Variants in L3MBTL1 observed in about 807,000 individuals in gnomAD.
L3MBTL1 encodes L3MBTL histone methyl-lysine binding protein 1.
L3MBTL1 carries 75 observed loss-of-function variants against 105.3 expected under a neutral mutation model. The observed-to-expected ratio is 0.71, with a 90% CI of 0.59 to 0.86. The LOEUF is 0.86. L3MBTL1 is among the 40% of genes least tolerant of loss of function. L3MBTL1 has a pLI of 0.00. For missense variants in L3MBTL1, 1,069 were observed against 1,126.4 expected (o/e 0.95, Z 0.73); for synonymous variants, 452 against 436.2 (o/e 1.04, Z -0.45).
At chr20:43,510,380 T>C (rs2018098447) in intron 1 of L3MBTL1, among the ~76,000 whole-genome samples, 1 of 149,786 alleles carries the variant, frequency 6.7e-6, no homozygotes, top group African/African-American at 2.5e-5. Flanking sequence ...GAATTATGTT[T>C]TATAATTTTC....
chr20:43,515,805 AAG>A (rs1215813618), intron 6 of L3MBTL1: 2 of 472,926 alleles, frequency 4.2e-6, no homozygotes, highest in East Asian at 3.8e-5. Flanking sequence ...CTGGGCGTGT[AAG>A]AGCATCACAA....
In L3MBTL1 at chr20:43,530,416, A is replaced by C. The variant is rs2019270832; in HGVS notation, c.1189A>C (p.Lys397Gln). The C allele has an allele frequency of 1.2e-6, 2 of 1,613,908 alleles. No homozygotes were observed. Among genetic ancestry groups the C allele is most frequent in the Non-Finnish European group, 1.7e-6 (2 of 1,179,952 alleles). ...GACGGGCCACAAGCTGCAGCCTCCC[A>C]AAGGTAAGGCCTAGCTGGGTTGGTC... is the stretch of plus-strand genomic sequence containing the variant. The part of the protein sequence containing the change: ...EKTGHKLQPP[K>Q]GYKEEEFSWS... Residue 397 changes from lysine (K) to glutamine (Q), a missense_variant, in exon 10 of 22, where the codon AAA becomes CAA. Lys to Gln is a moderately conservative substitution (Grantham distance 53, BLOSUM62 1). Transcript: ENST00000418998.
In L3MBTL1 at chr20:43,535,869, G is replaced by A. The variant is rs533425456; in HGVS notation, c.1858G>A (p.Gly620Ser). ...AGAGCCCAGCTCTGCCTCCCCTGGG[G>A]GCTGTCCCCCTCTCAGCTATAGGAG... ...PREPSSASPG[G>S]CPPLSYRSLP... Residue 620 changes from glycine to serine, a missense_variant, in exon 17 of 22, where the codon GGC becomes AGC. Gly to Ser is a moderately conservative substitution (Grantham distance 56). Transcript: ENST00000418998. 2 of 1,611,216 alleles carry A rather than the reference G, an allele frequency of 1.2e-6. No homozygotes were observed. The highest frequency in any genetic ancestry group is 1.1e-5 in the South Asian group (1 of 90,800).
intron 11 of L3MBTL1, 110 bp from the exon 12 acceptor site, chr20:43,532,663 G>T: frequency 8.5e-7 from 1 of 1,172,880 alleles, no homozygotes; most frequent in Non-Finnish European, 1.2e-6. Context: ...CTTTCTCACT[G>T]CCCACACCCC....
At chr20:43,542,406 T>G (rs117795098), downstream of L3MBTL1, among the ~76,000 whole-genome samples, 1,455 of 152,252 alleles carry the variant, frequency 9.6e-3, 10 homozygotes, top group Non-Finnish European at 0.015. Context: ...CTCCCTGTTT[T>G]CGATGGCCTC....
chr20:43,531,882 T>A (rs1023986362), intron 11 of L3MBTL1: 3 of 151,896 alleles, frequency 2.0e-5, no homozygotes, highest in Non-Finnish European at 4.4e-5. Flanking sequence ...GTCATTAAAT[T>A]ATTAGCTGGG....
In L3MBTL1 at chr20:43,514,738, C is replaced by G. The variant is rs1387901959; in HGVS notation, c.464C>G (p.Ala155Gly). The G allele has an allele frequency of 6.4e-7, 1 of 1,569,532 alleles. No individual in the cohort carries two copies. Among genetic ancestry groups the G allele is most frequent in the African/African-American group, 1.3e-5 (1 of 74,408 alleles). ...GTGACCGAATACGAAGATGGCGGGG[C>G]CCCGGCGGGAGATGGCGAGGCGGGC... is the stretch of plus-strand genomic sequence containing the variant. ...EGVTEYEDGG[A>G]PAGDGEAGPQ... The change falls in exon 4 of 22, where the codon GCC (alanine) becomes GGC (glycine). Residue 155 changes from alanine to glycine, a missense_variant. Coordinates refer to ENST00000418998, the MANE Select transcript of L3MBTL1 (RefSeq NM_001377303.1).
chr20:43,515,204 C>T, intron 5 of L3MBTL1, 45 bp downstream of exon 5: 1 of 1,614,054 alleles, frequency 6.2e-7, no homozygotes, highest in Non-Finnish European at 8.5e-7. Flanking sequence ...CCTTCAGCCC[C>T]CAAAGCCTCA....
rs151004462 is a variant in L3MBTL1, at chr20:43,515,075, A to G, written c.569A>G (p.Gln190Arg). ...QDPPEDDSTC[Q>R]CQACGPHQAA... Reference sequence around the variant, plus strand: ...CCCCCAGAGGATGATAGCACCTGTCAGTGCCAGGCGTGCGGGCCTCACCAA... The same window carrying G: ...CCCCCAGAGGATGATAGCACCTGTCGGTGCCAGGCGTGCGGGCCTCACCAA... The change falls in exon 5 of 22, where the codon CAG (glutamine) becomes CGG (arginine). Residue 190 changes from glutamine to arginine, a missense_variant. Gln to Arg is a conservative substitution (Grantham distance 43). Coordinates refer to ENST00000418998, the MANE Select transcript of L3MBTL1 (RefSeq NM_001377303.1). 1.9e-6 allele frequency: 3 copies of G among 1,614,072 alleles called. No individual in the cohort carries two copies. In the African/African-American group the frequency reaches 4.0e-5, roughly 22 times the overall value.
intron 12 of L3MBTL1, among the ~76,000 whole-genome samples, 176 bp from the exon 13 acceptor site, chr20:43,533,166 A>G (rs2019428530): frequency 6.6e-6 from 1 of 152,080 alleles, no homozygotes; most frequent in Non-Finnish European, 1.5e-5. Context: ...TCCCTTAGAT[A>G]TTATGGTGAT....
intron 7 of L3MBTL1, among the ~76,000 whole-genome samples, chr20:43,528,292 T>A (rs1003127165): frequency 1.3e-5 from 2 of 152,224 alleles, no homozygotes; most frequent in African/African-American, 4.8e-5. Context: ...TTAGATGGCA[T>A]TGTGATTAAG....
chr20:43,517,108 T>C (rs1418161843), intron 7 of L3MBTL1, among the ~76,000 whole-genome samples: 1 of 151,904 alleles, frequency 6.6e-6, no homozygotes, highest in Non-Finnish European at 1.5e-5. Context: ...TCTTTTTTTT[T>C]TTTTCTTTGA....
In L3MBTL1 at chr20:43,508,001, A is replaced by G. The variant is rs528492595; in HGVS notation, c.-29+257A>G. ...CCCTGCGGCGTGGCTTCGGGCTGCG[A>G]TCAGGAGGGGCGAGGAGGGTGGAGG... On this transcript the variant is annotated intron_variant, in intron 1 of 21. Transcript: ENST00000418998. Among the ~76,000 whole-genome samples the G allele has an allele frequency of 2.6e-5, 4 of 152,262 alleles. No homozygotes were observed. In the East Asian group the frequency reaches 7.7e-4, roughly 29 times the overall value.
At position 43,514,785 on chromosome 20, in the gene L3MBTL1, C is replaced by A. The variant is rs2018281460; in HGVS notation, c.502+9C>A. 1 of 1,542,244 alleles carries A rather than the reference C, an allele frequency of 6.5e-7. No homozygotes were observed. Among genetic ancestry groups the A allele is most frequent in the African/African-American group, 1.4e-5 (1 of 73,084 alleles). ...GGGCCCCCAACAGGCGGGTAGGAGCCCCGCTCCCCAGGCCCTGAGCTGGGC... is the reference window on the plus strand; with the variant it reads ...GGGCCCCCAACAGGCGGGTAGGAGCACCGCTCCCCAGGCCCTGAGCTGGGC... On this transcript the variant is annotated intron_variant, in intron 4 of 21. Transcript: ENST00000418998.
In L3MBTL1 at chr20:43,530,141, A is replaced by G. The variant is rs538199083; in HGVS notation, c.1057-143A>G. 1.8e-4 allele frequency: 173 copies of G among 955,518 alleles called. 1 individual carries two copies. The highest frequency in any genetic ancestry group is 7.0e-4 in the South Asian group (48 of 68,500). 59.2% of individuals were successfully genotyped at this position (955,518 alleles called of 1,614,324 possible). On this transcript the variant is annotated intron_variant, in intron 9 of 21. Coordinates refer to ENST00000418998, the MANE Select transcript of L3MBTL1 (RefSeq NM_001377303.1). The stretch of plus-strand genomic sequence containing the variant: ...GTAGAATAGGACAGGGTGGGGTACA[A>G]TTGGGAGGAAAGAAAGGTGGGGTTG...
intron 11 of L3MBTL1, 54 bp from the exon 12 acceptor site, chr20:43,532,719 G>T: frequency 6.2e-7 from 1 of 1,603,442 alleles, no homozygotes; most frequent in Non-Finnish European, 8.5e-7. Context: ...ATGGGCTCTG[G>T]GCTGGTCTTA....
rs534454584 is a variant in L3MBTL1 at position 43,524,023 on chromosome 20, C to T, written c.863-4634C>T. 4.0e-5 allele frequency among the ~76,000 whole-genome samples: 6 copies of T among 151,038 alleles called. No individual in the cohort carries two copies. In the East Asian group the frequency reaches 1.2e-3, roughly 29 times the overall value. On this transcript the variant is annotated intron_variant, in intron 7 of 21. Coordinates refer to ENST00000418998, the MANE Select transcript of L3MBTL1 (RefSeq NM_001377303.1). ...AAAAAAAAAAAAAGAAACAGGATGT[C>T]ACTATGTTGGCCAGGCTGGTCTGGA...
At chr20:43,523,890 G>C (rs549492412) in intron 7 of L3MBTL1, among the ~76,000 whole-genome samples, 25 of 151,674 alleles carry the variant, frequency 1.6e-4, no homozygotes, top group African/African-American at 6.1e-4. Context: ...AGCTACTCGG[G>C]AGGCTGAGGC....
chr20:43,515,141 C>T lies in L3MBTL1; in HGVS notation c.635C>T (p.Pro212Leu), dbSNP rs999940470. ...CTTGGTTCCTCTAATGATGGCTGCC[C>T]TCAGCTGTTCCAGGAGCGGTAAGGG... ...PDLGSSNDGC[P>L]QLFQERSVIV... is the part of the protein sequence containing the mutation. The change falls in exon 5 of 22, where the codon CCT (proline) becomes CTT (leucine). Residue 212 changes from proline to leucine, a missense_variant. Physicochemically the swap from Pro to Leu is moderately conservative, Grantham distance 98. Coordinates refer to ENST00000418998, the MANE Select transcript of L3MBTL1 (RefSeq NM_001377303.1). 3.7e-6 allele frequency: 6 copies of T among 1,614,040 alleles called. No homozygotes were observed. The highest frequency in any genetic ancestry group is 1.1e-5 in the South Asian group (1 of 91,092).
Sources: gnomAD v4.1 joint callset for allele counts (sites outside exome capture counted in the v4.1 genomes callset) on GRCh38, gnomAD v4.1.1 for gene constraint, MANE v1.5 for transcripts, NCBI Gene and HGNC (gene_info 2026-07-23, HGNC 2026-07-21) for gene names.